The following NEDD4L variants were observed in gnomAD, a reference collection of about 807,000 sequenced individuals.
NEDD4L encodes NEDD4 like E3 ubiquitin protein ligase.
Under a neutral mutation model 148.9 loss-of-function variants are expected in NEDD4L, and 54 were observed. The observed-to-expected ratio is 0.36, with a 90% CI of 0.29 to 0.45. NEDD4L has a LOEUF of 0.45. Ranked by LOEUF, NEDD4L falls within the 20% of genes least tolerant of loss-of-function variation. The pLI is 1.00. For synonymous variants in NEDD4L, 433 were observed against 440.7 expected (o/e 0.98, Z 0.22); for missense variants, 856 against 1,233.8 (o/e 0.69, Z 4.59).
intron 2 of NEDD4L, among the ~76,000 whole-genome samples, chr18:58,180,758 G>C (rs2038770156): frequency 6.6e-6 from 1 of 152,112 alleles, no homozygotes; most frequent in African/African-American, 2.4e-5. Flanking sequence ...TTGCTTTTCT[G>C]TCCTCCCTAC....
intron 5 of NEDD4L, among the ~76,000 whole-genome samples, chr18:58,292,393 C>T (rs944913009): frequency 6.6e-6 from 1 of 152,106 alleles, no homozygotes; most frequent in Admixed American, 6.5e-5. Flanking sequence ...CTCTCTGGGG[C>T]TTTCACCACC....
chr18:58,324,992 G>A lies in NEDD4L; in HGVS notation c.514-4G>A, dbSNP rs78005374. 4,042 of 1,612,026 alleles carry A rather than the reference G, an allele frequency of 2.5e-3. 84 individuals are homozygous for A. In the African/African-American group the frequency reaches 0.047, roughly 19 times the overall value. ...ATAATCGTCCCTTTAACTTTATTCCGCAGCATGGATGGGAAGTTGTTGACT... is the reference window on the plus strand; with the variant it reads ...ATAATCGTCCCTTTAACTTTATTCCACAGCATGGATGGGAAGTTGTTGACT... On this transcript the variant is annotated splice_region_variant and splice_polypyrimidine_tract_variant and intron_variant, in intron 8 of 30. Transcript: ENST00000400345.
Position 58,400,623 on chromosome 18 carries a change from A to G in NEDD4L, c.*4354A>G, listed in dbSNP as rs1235407035. On this transcript the variant is annotated 3_prime_UTR_variant, in exon 31 of 31. Coordinates refer to ENST00000400345, the MANE Select transcript of NEDD4L (RefSeq NM_001144967.3). ...AAAGATGTTCCACTGAAAGCAACGC[A>G]TGTTTCAAAGGCACGTCTTTCCGTT... is the stretch of plus-strand genomic sequence containing the variant. 6.6e-6 allele frequency: 1 copy of G among 152,240 alleles called. No homozygotes were observed. Among genetic ancestry groups the G allele is most frequent in the Non-Finnish European group, 1.5e-5 (1 of 68,048 alleles). The allele number at this position is 152,240 out of a possible 1,614,324, so 9.4% of individuals were successfully genotyped here.
chr18:58,045,709 C>G (rs536028081), intron 1 of NEDD4L: 1 of 152,452 alleles, frequency 6.6e-6, no homozygotes, highest in African/African-American at 2.4e-5. Flanking sequence ...GGTTTGCCAT[C>G]TGGCGGGGTG....
rs148529530 is a variant in NEDD4L, at chr18:58,377,615, G to A, written c.2352+4346G>A. ...CTGTGCCAAGCAGGAAGAATAAGCC[G>A]TACCCCCATTCACTGCTGTGCACAC... On this transcript the variant is annotated intron_variant, in intron 24 of 30. Coordinates refer to ENST00000400345, the MANE Select transcript of NEDD4L (RefSeq NM_001144967.3). Among the ~76,000 whole-genome samples the A allele has an allele frequency of 2.0e-3, 305 of 152,260 alleles. 2 individuals carry two copies. The highest frequency in any genetic ancestry group is 4.4e-3 in the Admixed American group (67 of 15,304).
At chr18:58,092,275 T>C (rs1292312359) in intron 1 of NEDD4L, among the ~76,000 whole-genome samples, 1 of 151,978 alleles carries the variant, frequency 6.6e-6, no homozygotes, top group African/African-American at 2.4e-5. Context: ...CTTGCTCTGT[T>C]TCCCATTTTA....
At chr18:58,304,217 A>T (rs2149285280) in intron 5 of NEDD4L, among the ~76,000 whole-genome samples, 1 of 152,150 alleles carries the variant, frequency 6.6e-6, no homozygotes, top group East Asian at 1.9e-4. Context: ...GAGATACCCT[A>T]GTCAGAAGTA....
intron 2 of NEDD4L, among the ~76,000 whole-genome samples, chr18:58,240,238 A>G (rs1336212077): frequency 2.0e-5 from 3 of 152,056 alleles, no homozygotes; most frequent in Admixed American, 2.0e-4. Flanking sequence ...GTGAACAGCT[A>G]GAACCTCCCA....
chr18:58,356,588 C>T (rs1267611658), intron 18 of NEDD4L, among the ~76,000 whole-genome samples: 1 of 152,196 alleles, frequency 6.6e-6, no homozygotes, highest in Non-Finnish European at 1.5e-5. Flanking sequence ...CACCTTTTGC[C>T]AGTGTGACCA....
chr18:58,150,320 C>T (rs777093393), intron 1 of NEDD4L, among the ~76,000 whole-genome samples: 41 of 152,154 alleles, frequency 2.7e-4, no homozygotes, highest in African/African-American at 8.9e-4. Flanking sequence ...CTGCAACCTC[C>T]GCCTCCTGGG....
At chr18:58,084,679 GT>G (rs1458023431) in intron 1 of NEDD4L, among the ~76,000 whole-genome samples, 5 of 149,410 alleles carry the variant, frequency 3.3e-5, no homozygotes, top group Non-Finnish European at 7.4e-5. Context: ...TTTTGTGTGT[GT>G]GTGTGTGTGT....
At position 58,134,109 on chromosome 18, in the gene NEDD4L, T is replaced by A. The variant is rs141807935; in HGVS notation, c.49-31679T>A. ...TCCATCTCCTGGGTTTAAGTGATTC[T>A]CCTGCCTCAGCCTCTTGAGTAGCTG... On this transcript the variant is annotated intron_variant, in intron 1 of 30. Coordinates refer to ENST00000400345, the MANE Select transcript of NEDD4L (RefSeq NM_001144967.3). Among the ~76,000 whole-genome samples the A allele has an allele frequency of 8.6e-3, 1,303 of 152,302 alleles. 8 individuals are homozygous for A. The highest frequency in any genetic ancestry group is 0.014 in the Non-Finnish European group (979 of 68,028).
chr18:58,134,982 A>G (rs977722325), intron 1 of NEDD4L, among the ~76,000 whole-genome samples: 7 of 152,152 alleles, frequency 4.6e-5, no homozygotes, highest in Non-Finnish European at 7.3e-5. Context: ...CTAGAAGGAC[A>G]TTAGATTTTC....
At chr18:58,363,258 T>A (rs1361457960) in intron 19 of NEDD4L, among the ~76,000 whole-genome samples, 1 of 152,158 alleles carries the variant, frequency 6.6e-6, no homozygotes, top group African/African-American at 2.4e-5. Context: ...TCAAGATAAG[T>A]ATGGTGAAAG....
At chr18:58,321,962 T>C (rs962721694) in intron 6 of NEDD4L, among the ~76,000 whole-genome samples, 7 of 152,210 alleles carry the variant, frequency 4.6e-5, no homozygotes, top group Admixed American at 2.0e-4. Context: ...GTGCAGGAGA[T>C]AGTCTTTCAA....
At chr18:58,201,216 C>A (rs2041369118) in intron 2 of NEDD4L, among the ~76,000 whole-genome samples, 1 of 151,804 alleles carries the variant, frequency 6.6e-6, no homozygotes, top group Non-Finnish European at 1.5e-5. Flanking sequence ...GCCTGTAATC[C>A]CAGCTACTTG....
chr18:58,208,225 A>G (rs2147614616), intron 2 of NEDD4L, among the ~76,000 whole-genome samples: 1 of 152,308 alleles, frequency 6.6e-6, no homozygotes. Flanking sequence ...TAAATATAGG[A>G]CATATGAACA....
At chr18:58,125,669 C>T (rs549946104) in intron 1 of NEDD4L, among the ~76,000 whole-genome samples, 1 of 152,196 alleles carries the variant, frequency 6.6e-6, no homozygotes, top group East Asian at 1.9e-4. Flanking sequence ...ACCGCAAATG[C>T]CAGCCACCTA....
intron 2 of NEDD4L, among the ~76,000 whole-genome samples, chr18:58,201,118 A>C (rs2041353266): frequency 6.6e-6 from 1 of 152,244 alleles, no homozygotes; most frequent in Non-Finnish European, 1.5e-5. Flanking sequence ...AGATCACTTG[A>C]GGTCAGGAGT....
Sources: allele counts gnomAD v4.1 joint callset (sites outside exome capture counted in the v4.1 genomes callset), GRCh38; gene constraint gnomAD v4.1.1; transcripts MANE v1.5; gene names NCBI Gene and HGNC (gene_info 2026-07-23, HGNC 2026-07-21).